Variants in MME observed in about 807,000 individuals in gnomAD.
The protein encoded by MME is neprilysin.
A neutral mutation model predicts 113.2 loss-of-function variants in MME; 98 were observed. The observed-to-expected ratio is 0.87, with a 90% CI of 0.74 to 1.02. The LOEUF (loss-of-function observed/expected upper bound fraction) is 1.02. Ranked by LOEUF, MME falls within the 50% of genes least tolerant of loss-of-function variation. The pLI is 0.00. For missense variants in MME, 836 were observed against 896.0 expected, an observed-to-expected ratio of 0.93 and a Z score of 0.86; for synonymous variants, 292 against 300.6, an observed-to-expected ratio of 0.97 and a Z score of 0.30.
At chr3:155,143,365 A>G (rs371069867) in intron 12 of MME, 78 bp from the exon 13 acceptor site, 2 of 1,532,986 alleles carry the variant, frequency 1.3e-6, no homozygotes, top group African/African-American at 1.4e-5. Context: ...TAGATGAGAC[A>G]TTTGTGAAAT....
rs1722389811 is a variant in MME, at chr3:155,157,301, A to G, written c.1602-3089A>G. On this transcript the variant is annotated intron_variant, in intron 16 of 22. Transcript: ENST00000360490. Reference sequence around the variant, plus strand: ...TGTATGCATACAGACCACCAGAGGAAGGATGAGAAATGGAAGAACAGTGGT... The same window carrying G: ...TGTATGCATACAGACCACCAGAGGAGGGATGAGAAATGGAAGAACAGTGGT... Among the ~76,000 whole-genome samples the G allele has an allele frequency of 2.0e-5, 3 of 152,194 alleles. No individual in the cohort carries two copies. In the South Asian group the frequency reaches 6.2e-4, roughly 32 times the overall value.
chr3:155,079,856 A>T (rs1039517977), upstream of MME: 21 of 152,246 alleles, frequency 1.4e-4, no homozygotes, highest in Admixed American at 1.3e-3. Flanking sequence ...GTCCGGCCTC[A>T]GCCTGGAGCC....
At chr3:155,036,106 A>G (rs1713119086) in intron 1 of MME, among the ~76,000 whole-genome samples, 1 of 151,984 alleles carries the variant, frequency 6.6e-6, no homozygotes, top group African/African-American at 2.4e-5. Context: ...TATGAGAGAA[A>G]GAGAAGATTC....
At chr3:155,092,421 C>T (rs1229281913) in intron 3 of MME, among the ~76,000 whole-genome samples, 1 of 152,144 alleles carries the variant, frequency 6.6e-6, no homozygotes, top group Non-Finnish European at 1.5e-5. Context: ...ATGTTAGAAA[C>T]ATTTTGAAAA....
intron 17 of MME, among the ~76,000 whole-genome samples, chr3:155,165,859 A>C (rs1723053173): frequency 6.6e-6 from 1 of 152,216 alleles, no homozygotes; most frequent in Non-Finnish European, 1.5e-5. Context: ...AGACCCTTCA[A>C]GGGCCATTAG....
At chr3:155,030,779 G>A (rs952141626) in intron 1 of MME, among the ~76,000 whole-genome samples, 3 of 152,162 alleles carry the variant, frequency 2.0e-5, no homozygotes, top group African/African-American at 4.8e-5. Context: ...CTGTCTGGCT[G>A]TATTTTCTAC....
chr3:155,061,266 C>A (rs1418799429), intron 1 of MME, among the ~76,000 whole-genome samples: 1 of 152,010 alleles, frequency 6.6e-6, no homozygotes, highest in Non-Finnish European at 1.5e-5. Context: ...TCCTGGCTAA[C>A]ATGGTGAAAC....
rs763866586 is a variant in MME at position 155,085,094 on chromosome 3, GGTA to G, written c.196+1_196+3del. On this transcript the variant is annotated splice_donor_variant and splice_donor_region_variant and intron_variant, in intron 3 of 22. Coordinates refer to ENST00000360490, the MANE Select transcript of MME (RefSeq NM_007289.4). LOFTEE classifies it high-confidence loss of function. ...CAAGTCATCAGACTGCATAAAATCA[GGTA>G]AGAAATGGTTTTTACGTGTAATAGT... The G allele has an allele frequency of 6.4e-7, 1 of 1,571,732 alleles. No homozygotes were observed. The highest frequency in any genetic ancestry group is 8.7e-7 in the Non-Finnish European group (1 of 1,146,426).
chr3:155,140,609 G>A (rs1247810307), intron 10 of MME, among the ~76,000 whole-genome samples: 1 of 151,614 alleles, frequency 6.6e-6, no homozygotes, highest in Admixed American at 6.6e-5. Flanking sequence ...TAGAGATGAG[G>A]TTTGGCCAAT....
At chr3:155,060,115 T>C (rs1714084376) in intron 1 of MME, among the ~76,000 whole-genome samples, 2 of 152,200 alleles carry the variant, frequency 1.3e-5, no homozygotes, top group Non-Finnish European at 2.9e-5. Flanking sequence ...ACTTTAGGAA[T>C]AGATCTTCAT....
At chr3:155,177,856 T>C (rs1451894548) in intron 22 of MME, among the ~76,000 whole-genome samples, 1 of 152,142 alleles carries the variant, frequency 6.6e-6, no homozygotes, top group Non-Finnish European at 1.5e-5. Context: ...CACACAGGCA[T>C]AGAAATTAGA....
At position 155,072,974 on chromosome 3, in the gene MME, G is replaced by A. The variant is rs1300825662; in HGVS notation, c.-10-11184G>A. On this transcript the variant is annotated intron_variant, in intron 1 of 22. Transcript: ENST00000492661. ...CTTGGAAATCAATAGGATCTCTGCT[G>A]GAAAAAGTTCATTTGCATGGTTTTA... 5.9e-5 allele frequency among the ~76,000 whole-genome samples: 9 copies of A among 152,234 alleles called. No homozygotes were observed. The South Asian group carries it at 1.9e-3, about 32-fold the overall frequency.
rs200236371 is a variant in MME at position 155,080,439 on chromosome 3, T to A, written c.-38T>A. On this transcript the variant is annotated 5_prime_UTR_variant, in exon 1 of 23. Transcript: ENST00000360490. The stretch of plus-strand genomic sequence containing the variant: ...TGCCATTCTGCTGTACAGACACTGA[T>A]TTTTTTTTCTTCTTTTTAAAAAGCA... 1 of 146,714 alleles carries A rather than the reference T, an allele frequency of 6.8e-6. No homozygotes were observed. The allele number at this position is 146,714 out of a possible 1,614,324, so 9.1% of individuals were successfully genotyped here. A position where few individuals can be genotyped will look rare whatever the true frequency, so the allele number is the denominator to read the frequency against.
chr3:155,141,733 A>G (rs551156267), intron 10 of MME, among the ~76,000 whole-genome samples: 1 of 152,308 alleles, frequency 6.6e-6, no homozygotes, highest in East Asian at 1.9e-4. Context: ...TAGACAAAGA[A>G]GATGACATTA....
intron 3 of MME, among the ~76,000 whole-genome samples, chr3:155,096,760 C>T (rs527756881): frequency 6.6e-6 from 1 of 152,094 alleles, no homozygotes; most frequent in Non-Finnish European, 1.5e-5. Context: ...CTCTGTCACC[C>T]AGGCTGGAGT....
chr3:155,115,284 G>A (rs1718507373), intron 4 of MME, 129 bp downstream of exon 4: 3 of 1,118,344 alleles, frequency 2.7e-6, no homozygotes, highest in Non-Finnish European at 3.9e-6. Context: ...TCCAGGATTT[G>A]TGTACCACCA....
intron 3 of MME, among the ~76,000 whole-genome samples, chr3:155,100,422 G>A (rs1434093069): frequency 2.0e-5 from 3 of 152,184 alleles, no homozygotes; most frequent in Non-Finnish European, 4.4e-5. Flanking sequence ...GAGAGGATGT[G>A]GAGAAATAGG....
At chr3:155,179,176 G>A (rs777557904) in intron 22 of MME, among the ~76,000 whole-genome samples, 12 of 152,156 alleles carry the variant, frequency 7.9e-5, no homozygotes, top group Non-Finnish European at 1.6e-4. Flanking sequence ...GCAGGTAGCA[G>A]GAAGCTCTGA....
Position 155,101,195 on chromosome 3 carries a change from T to C in MME, c.197-13799T>C, listed in dbSNP as rs1484409278. On this transcript the variant is annotated intron_variant, in intron 3 of 22. Transcript: ENST00000360490. Reference sequence around the variant, plus strand: ...TCCCAAAAAGCAGATGCTGGTGTTATGCTTCCTGTACAGCCTGCAGAGCCA... The same window carrying C: ...TCCCAAAAAGCAGATGCTGGTGTTACGCTTCCTGTACAGCCTGCAGAGCCA... Among the ~76,000 whole-genome samples, 3 of 152,336 alleles carry C rather than the reference T, an allele frequency of 2.0e-5. No individual in the cohort carries two copies. The South Asian group carries it at 6.2e-4, about 32-fold the overall frequency.
Sources: allele counts gnomAD v4.1 joint callset (sites outside exome capture counted in the v4.1 genomes callset), GRCh38; gene constraint gnomAD v4.1.1; transcripts MANE v1.5; gene names NCBI Gene and HGNC (gene_info 2026-07-23, HGNC 2026-07-21).